Variants in BTC observed in about 807,000 individuals in gnomAD.
BTC encodes the protein probetacellulin.
Under a neutral mutation model 18.1 loss-of-function variants are expected in BTC, and 13 were observed. The observed-to-expected ratio is 0.72, with a 90% CI of 0.47 to 1.14. The LOEUF is 1.14. Among genes scored for constraint, BTC ranks in the 50% most tolerant of loss-of-function variants. The pLI is 0.00. For missense variants in BTC, 247 were observed against 224.2 expected (o/e 1.10, Z -0.65); for synonymous variants, 83 against 79.4 (o/e 1.05, Z -0.24).
At chr4:74,784,557 G>T (rs911775902) in intron 1 of BTC, among the ~76,000 whole-genome samples, 12 of 152,096 alleles carry the variant, frequency 7.9e-5, no homozygotes, top group Admixed American at 2.0e-4. Flanking sequence ...TACCGGCTGT[G>T]GGTTTGTCAT....
At chr4:74,781,682 CCT>C (rs773573666) in intron 1 of BTC, among the ~76,000 whole-genome samples, 4 of 146,868 alleles carry the variant, frequency 2.7e-5, no homozygotes, top group Non-Finnish European at 4.4e-5. Context: ...AAATAATCTA[CCT>C]CTGTCTTTTT....
chr4:74,790,858 G>C (rs867848735), intron 1 of BTC, among the ~76,000 whole-genome samples: 3 of 152,224 alleles, frequency 2.0e-5, no homozygotes, highest in African/African-American at 7.2e-5. Context: ...CCAAGAATCT[G>C]TCAGAGAATA....
intron 1 of BTC, among the ~76,000 whole-genome samples, chr4:74,793,377 G>A (rs1232301476): frequency 6.6e-6 from 1 of 152,020 alleles, no homozygotes; most frequent in Non-Finnish European, 1.5e-5. Flanking sequence ...TTTCATTTGT[G>A]GTGTCCCCTT....
Position 74,744,765 on chromosome 4 carries a change from T to C in BTC, c.*1912A>G, listed in dbSNP as rs1450698330. ...CAAGTAACCACACGTTTACTTTGTT[T>C]TAAAAATAAATTTATTTTATTACAT... On this transcript the variant is annotated 3_prime_UTR_variant, in exon 6 of 6. Transcript: ENST00000395743. 1 of 152,256 alleles carries C rather than the reference T, an allele frequency of 6.6e-6. No individual in the cohort carries two copies. The highest frequency in any genetic ancestry group is 6.5e-5 in the Admixed American group (1 of 15,288). The allele number at this position is 152,256 out of a possible 1,614,324, so 9.4% of individuals were successfully genotyped here.
intron 3 of BTC, among the ~76,000 whole-genome samples, chr4:74,753,549 A>T (rs1317496537): frequency 6.6e-6 from 1 of 152,228 alleles, no homozygotes; most frequent in Non-Finnish European, 1.5e-5. Flanking sequence ...GATCTGCATT[A>T]TTTGAAACAC....
chr4:74,757,412 G>A (rs1724629175), intron 2 of BTC, among the ~76,000 whole-genome samples: 1 of 152,136 alleles, frequency 6.6e-6, no homozygotes, highest in South Asian at 2.1e-4. Flanking sequence ...TATGCTGACT[G>A]CTTGAACTAC....
intron 2 of BTC, among the ~76,000 whole-genome samples, chr4:74,767,029 G>A (rs1159981651): frequency 6.6e-6 from 1 of 151,938 alleles, no homozygotes; most frequent in Non-Finnish European, 1.5e-5. Context: ...AGAATGCCCA[G>A]TCTAACCGCT....
At chr4:74,777,425 C>A (rs1296337653) in intron 1 of BTC, among the ~76,000 whole-genome samples, 1 of 152,146 alleles carries the variant, frequency 6.6e-6, no homozygotes, top group Non-Finnish European at 1.5e-5. Flanking sequence ...AGATTCTCAG[C>A]CTCATAAGTG....
intron 1 of BTC, among the ~76,000 whole-genome samples, chr4:74,778,736 A>G (rs1195335409): frequency 6.6e-6 from 1 of 152,166 alleles, no homozygotes; most frequent in Non-Finnish European, 1.5e-5. Context: ...GGTGACAGAG[A>G]GGCCAGAACT....
intron 1 of BTC, among the ~76,000 whole-genome samples, chr4:74,791,478 A>T (rs1725625277): frequency 6.6e-6 from 1 of 152,246 alleles, no homozygotes; most frequent in Non-Finnish European, 1.5e-5. Flanking sequence ...GCCTTTAAAC[A>T]GTTTTAGAAA....
intron 2 of BTC, 151 bp downstream of exon 2, chr4:74,769,907 C>G (rs1198532955): frequency 1.9e-6 from 1 of 535,356 alleles, no homozygotes; most frequent in Admixed American, 4.2e-5. Flanking sequence ...TCAGGGGGCT[C>G]TTGTGAGTAG....
intron 1 of BTC, among the ~76,000 whole-genome samples, chr4:74,775,689 T>A (rs1236902580): frequency 6.6e-6 from 1 of 152,204 alleles, no homozygotes; most frequent in African/African-American, 2.4e-5. Context: ...AAACACCTAC[T>A]TCTAAAGCTC....
chr4:74,759,893 A>G (rs937601021), intron 2 of BTC, among the ~76,000 whole-genome samples: 4 of 152,216 alleles, frequency 2.6e-5, no homozygotes, highest in East Asian at 1.9e-4. Flanking sequence ...CTTAGTTTCC[A>G]TATGGAATTT....
intron 1 of BTC, among the ~76,000 whole-genome samples, chr4:74,791,994 CACACACACACACAA>C (rs996505860): frequency 2.0e-5 from 3 of 147,740 alleles, no homozygotes; most frequent in African/African-American, 5.3e-5. Flanking sequence ...CACACACACA[CACACACACACACAA>C]ACACTAGTGT....
At chr4:74,791,584 T>C (rs532921115) in intron 1 of BTC, among the ~76,000 whole-genome samples, 9 of 152,340 alleles carry the variant, frequency 5.9e-5, no homozygotes, top group Admixed American at 4.6e-4. Context: ...AATCTGCTTA[T>C]GGTATACCTT....
chr4:74,783,748 G>A (rs1204865782), intron 1 of BTC, among the ~76,000 whole-genome samples: 1 of 152,066 alleles, frequency 6.6e-6, no homozygotes, highest in African/African-American at 2.4e-5. Flanking sequence ...CTGTCCATGA[G>A]CATGGAATGT....
intron 1 of BTC, among the ~76,000 whole-genome samples, chr4:74,791,746 A>T (rs1259486678): frequency 1.3e-5 from 2 of 152,236 alleles, no homozygotes. Context: ...TGTAATAGAC[A>T]TAAGCCATTT....
intron 4 of BTC, among the ~76,000 whole-genome samples, chr4:74,749,155 C>A (rs1267475218): frequency 6.6e-6 from 1 of 151,980 alleles, no homozygotes; most frequent in African/African-American, 2.4e-5. Flanking sequence ...TCTGGCCGGG[C>A]GCGGTGGCTC....
chr4:74,753,490 G>C (rs888001191), intron 3 of BTC, among the ~76,000 whole-genome samples: 2 of 152,126 alleles, frequency 1.3e-5, no homozygotes, highest in African/African-American at 4.8e-5. Flanking sequence ...ATCTGGAAAC[G>C]AACTGTCCCT....
Sources: allele counts gnomAD v4.1 joint callset (sites outside exome capture counted in the v4.1 genomes callset), GRCh38; gene constraint gnomAD v4.1.1; transcripts MANE v1.5; gene names NCBI Gene and HGNC (gene_info 2026-07-23, HGNC 2026-07-21).